The following CEP112 variants were observed in gnomAD, a reference collection of about 807,000 sequenced individuals.
The protein encoded by CEP112 is centrosomal protein 112.
A neutral mutation model predicts 153.0 loss-of-function variants in CEP112; 127 were observed. The ratio of observed to expected loss-of-function variants is 0.83; its 90% CI spans 0.72 to 0.96. The LOEUF (loss-of-function observed/expected upper bound fraction) is 0.96. CEP112 is among the 40% of genes least tolerant of loss of function. The pLI, the probability that CEP112 is intolerant of heterozygous loss-of-function variation, is 0.00. For missense variants in CEP112, 1,089 were observed against 1,101.2 expected (o/e 0.99, Z 0.16); for synonymous variants, 358 against 374.4 (o/e 0.96, Z 0.51).
At chr17:66,108,155 G>T (rs1297762761) in intron 6 of CEP112, among the ~76,000 whole-genome samples, 1 of 152,096 alleles carries the variant, frequency 6.6e-6, no homozygotes, top group Admixed American at 6.5e-5. Context: ...AAATAAAAAT[G>T]TAGGAAAAAC....
chr17:66,071,553 G>A lies in CEP112; in HGVS notation c.769-1552C>T, dbSNP rs536519675. Among the ~76,000 whole-genome samples, 101 of 152,146 alleles carry A rather than the reference G, an allele frequency of 6.6e-4. No homozygotes were observed. The Middle Eastern group carries it at 0.01, about 15-fold the overall frequency. ...GGTAAGCCCTAAATACCATGTGAGT[G>A]TGCTACCATAACCCCAACCCAACAC... On this transcript the variant is annotated intron_variant, in intron 8 of 26. Transcript: ENST00000535342.
intron 21 of CEP112, among the ~76,000 whole-genome samples, chr17:65,788,207 A>G (rs1427916656): frequency 6.6e-6 from 1 of 152,236 alleles, no homozygotes; most frequent in East Asian, 1.9e-4. Context: ...GATGGATTAT[A>G]TTAATGGATT....
intron 21 of CEP112, among the ~76,000 whole-genome samples, chr17:65,829,062 G>C (rs2056969588): frequency 6.6e-6 from 1 of 151,658 alleles, no homozygotes; most frequent in East Asian, 1.9e-4. Context: ...TAGGCATCTT[G>C]GTATTATTAA....
chr17:65,912,780 G>T (rs560545620), intron 19 of CEP112, among the ~76,000 whole-genome samples: 4 of 152,256 alleles, frequency 2.6e-5, no homozygotes, highest in African/African-American at 7.2e-5. Context: ...GGGGCACATT[G>T]CTTTAAAGGA....
chr17:65,779,369 A>G (rs945029094), intron 21 of CEP112, among the ~76,000 whole-genome samples: 1 of 152,216 alleles, frequency 6.6e-6, no homozygotes, highest in African/African-American at 2.4e-5. Flanking sequence ...GTAGGAAGTG[A>G]GCAAACATTT....
At chr17:65,684,605 C>CG (rs1009271353) in intron 24 of CEP112, among the ~76,000 whole-genome samples, 1 of 152,118 alleles carries the variant, frequency 6.6e-6, no homozygotes, top group African/African-American at 2.4e-5. Flanking sequence ...CTGTGAATAA[C>CG]GAAACATTGT....
chr17:65,816,820 G>A (rs2056295765), intron 21 of CEP112, among the ~76,000 whole-genome samples: 1 of 151,782 alleles, frequency 6.6e-6, no homozygotes, highest in Non-Finnish European at 1.5e-5. Context: ...CTTGGAAAAT[G>A]TTTCTCTTTT....
intron 12 of CEP112, among the ~76,000 whole-genome samples, chr17:66,050,082 A>G (rs968585260): frequency 6.6e-6 from 1 of 152,222 alleles, no homozygotes; most frequent in South Asian, 2.1e-4. Context: ...AGTGATATTT[A>G]CATATATAAA....
At chr17:65,879,066 G>A (rs1339955964) in intron 20 of CEP112, among the ~76,000 whole-genome samples, 1 of 152,296 alleles carries the variant, frequency 6.6e-6, no homozygotes, top group Non-Finnish European at 1.5e-5. Context: ...TCCCATCTGC[G>A]TAAACTGAAT....
At chr17:65,734,440 A>G (rs1406175231) in intron 23 of CEP112, among the ~76,000 whole-genome samples, 1 of 152,226 alleles carries the variant, frequency 6.6e-6, no homozygotes, top group African/African-American at 2.4e-5. Flanking sequence ...GTATATGTGG[A>G]TTACATCTAC....
Position 65,916,287 on chromosome 17 carries a change from G to GTATGTA in CEP112, c.1980+11294_1980+11295insTACATA, listed in dbSNP as rs1555711269. 5.2e-3 allele frequency among the ~76,000 whole-genome samples: 768 copies of GTATGTA among 147,574 alleles called. 5 individuals are homozygous for GTATGTA. The highest frequency in any genetic ancestry group is 0.015 in the South Asian group (66 of 4,550). ...TGTGTGTGTGTGTGTGTGTGTGTGTGTGTGTATGTGTGGTAGGAGTAGTGG... is the reference window on the plus strand; with the variant it reads ...TGTGTGTGTGTGTGTGTGTGTGTGTGTATGTATGTGTATGTGTGGTAGGAGTAGTGG... On this transcript the variant is annotated intron_variant, in intron 19 of 26. Transcript: ENST00000535342.
intron 20 of CEP112, among the ~76,000 whole-genome samples, chr17:65,870,071 A>AAGAAAGAAAGAAAGAAAGAG: frequency 6.6e-6 from 1 of 151,642 alleles, no homozygotes; most frequent in Non-Finnish European, 1.5e-5. Context: ...GAAAGAAAGA[A>AAGAAAGAAAGAAAGAAAGAG]AGAAAGAAAG....
At chr17:66,147,495 A>C (rs1257792289) in intron 4 of CEP112, among the ~76,000 whole-genome samples, 1 of 151,564 alleles carries the variant, frequency 6.6e-6, no homozygotes, top group Non-Finnish European at 1.5e-5. Flanking sequence ...TTTAATTTTG[A>C]TGTAGATAGT....
intron 24 of CEP112, among the ~76,000 whole-genome samples, chr17:65,678,544 A>G (rs978644785): frequency 6.6e-6 from 1 of 152,206 alleles, no homozygotes; most frequent in African/African-American, 2.4e-5. Context: ...CTATACCACA[A>G]CATTACTCCA....
At chr17:65,792,301 T>C (rs2054635930) in intron 21 of CEP112, among the ~76,000 whole-genome samples, 1 of 152,186 alleles carries the variant, frequency 6.6e-6, no homozygotes, top group Admixed American at 6.5e-5. Flanking sequence ...CAGATCGTAA[T>C]GGGGACTCTT....
At chr17:65,778,464 G>A (rs2053808779) in intron 21 of CEP112, among the ~76,000 whole-genome samples, 1 of 152,052 alleles carries the variant, frequency 6.6e-6, no homozygotes, top group South Asian at 2.1e-4. Context: ...TAGAGTCCTG[G>A]TAACATGCAT....
intron 20 of CEP112, among the ~76,000 whole-genome samples, chr17:65,860,118 C>T (rs914841018): frequency 4.0e-5 from 6 of 151,460 alleles, no homozygotes; most frequent in East Asian, 1.9e-4. Flanking sequence ...AAGAGCTTAG[C>T]GTGATGTCTG....
At chr17:66,064,447 T>C (rs1403063911) in intron 10 of CEP112, among the ~76,000 whole-genome samples, 1 of 152,256 alleles carries the variant, frequency 6.6e-6, no homozygotes, top group Non-Finnish European at 1.5e-5. Flanking sequence ...GTGTTTAATA[T>C]ATTCATCTCT....
chr17:65,777,478 A>G (rs577251673), intron 21 of CEP112, among the ~76,000 whole-genome samples: 3 of 152,138 alleles, frequency 2.0e-5, no homozygotes, highest in Non-Finnish European at 4.4e-5. Context: ...TGAGAACATA[A>G]CAATTTCACA....
Sources: allele counts gnomAD v4.1 joint callset (sites outside exome capture counted in the v4.1 genomes callset), GRCh38; gene constraint gnomAD v4.1.1; transcripts MANE v1.5; gene names NCBI Gene and HGNC (gene_info 2026-07-23, HGNC 2026-07-21).